Variants in RRM1 observed in about 807,000 individuals in gnomAD.
RRM1 encodes the protein ribonucleoside-diphosphate reductase large subunit.
A neutral mutation model predicts 101.5 loss-of-function variants in RRM1; 19 were observed. That is an observed-to-expected ratio of 0.19 (90% CI 0.13 to 0.27). RRM1 has a LOEUF of 0.27. RRM1 is among the 10% of genes least tolerant of loss of function. The pLI is 1.00. For missense variants in RRM1, 500 were observed against 962.9 expected, an observed-to-expected ratio of 0.52 and a Z score of 6.36; for synonymous variants, 298 against 323.4, an observed-to-expected ratio of 0.92 and a Z score of 0.84.
intron 7 of RRM1, among the ~76,000 whole-genome samples, chr11:4,115,078 T>A (rs1386377754): frequency 2.0e-5 from 3 of 152,162 alleles, no homozygotes. Flanking sequence ...ATAAATGGAA[T>A]AGATTCAATT....
chr11:4,111,285 C>T (rs1342873801), intron 5 of RRM1, among the ~76,000 whole-genome samples: 3 of 151,840 alleles, frequency 2.0e-5, no homozygotes, highest in African/African-American at 4.8e-5. Context: ...GTGGTGGGCG[C>T]CTGTAGTCCC....
chr11:4,117,994 A>C (rs752046507), intron 7 of RRM1, among the ~76,000 whole-genome samples: 9 of 152,228 alleles, frequency 5.9e-5, no homozygotes, highest in Non-Finnish European at 1.2e-4. Flanking sequence ...TATGTTTATG[A>C]ATATGCATGA....
At chr11:4,128,208 C>G (rs1191655460) in intron 14 of RRM1, among the ~76,000 whole-genome samples, 1 of 147,296 alleles carries the variant, frequency 6.8e-6, no homozygotes, top group Non-Finnish European at 1.5e-5. Context: ...GTTACCCAGG[C>G]TGGAGTGTGT....
At chr11:4,120,426 C>T (rs536820918) in intron 9 of RRM1, among the ~76,000 whole-genome samples, 3 of 151,790 alleles carry the variant, frequency 2.0e-5, no homozygotes, top group East Asian at 1.9e-4. Context: ...TGCAATGGTG[C>T]GATCTTGGCT....
At position 4,138,345 on chromosome 11, in the gene RRM1, T is replaced by C; in HGVS notation, c.2341T>C (p.Leu781=). 1 of 1,611,004 alleles carries C rather than the reference T, an allele frequency of 6.2e-7. No homozygotes were observed. The highest frequency in any genetic ancestry group is 8.5e-7 in the Non-Finnish European group (1 of 1,178,798). ...ERNTAAMVCS[L]ENRDECLMCG... is the part of the protein sequence containing the mutation. ...GAACACAGCAGCCATGGTGTGCTCTTTGGAGAATAGAGATGAATGTCTGAT... is the reference window on the plus strand; with the variant it reads ...GAACACAGCAGCCATGGTGTGCTCTCTGGAGAATAGAGATGAATGTCTGAT... The change falls in exon 19 of 19, where the codon TTG becomes CTG. Residue 781 remains leucine, a synonymous_variant. Coordinates refer to ENST00000300738, the MANE Select transcript of RRM1 (RefSeq NM_001033.5).
intron 13 of RRM1, 92 bp from the exon 14 acceptor site, chr11:4,126,942 GA>G: frequency 7.0e-7 from 1 of 1,424,924 alleles, no homozygotes; most frequent in Non-Finnish European, 9.6e-7. Context: ...AATGGTTTGA[GA>G]AAAAGAGGTA....
chr11:4,118,218 CTCTTT>C lies in RRM1; in HGVS notation c.651-100_651-96del. 5.4e-5 allele frequency: 59 copies of C among 1,098,346 alleles called. No individual in the cohort carries two copies. The Admixed American group carries it at 1.2e-3, about 23-fold the overall frequency. The allele number at this position is 1,098,346 out of a possible 1,614,324, so 68.0% of individuals were successfully genotyped here. On this transcript the variant is annotated intron_variant, in intron 7 of 18. Transcript: ENST00000300738. ...CATTTAGGAACTTTCTAAACTTCAACTCTTTTTTTTTTTTTTGCCTTAGTGTCTTT... is the reference window on the plus strand; with the variant it reads ...CATTTAGGAACTTTCTAAACTTCAACTTTTTTTTTTTGCCTTAGTGTCTTT...
Position 4,094,858 on chromosome 11 carries a change from T to G in RRM1, c.-155T>G, listed in dbSNP as rs113185733. On this transcript the variant is annotated 5_prime_UTR_variant, in exon 1 of 19. Coordinates refer to ENST00000300738, the MANE Select transcript of RRM1 (RefSeq NM_001033.5). ...GGGATTTGGATTGTTGCGCCTCTGC[T>G]CTGAAGAAAGTGCTGTCTGGCTCCA... 4.1e-4 allele frequency: 313 copies of G among 760,348 alleles called. No individual in the cohort carries two copies. The African/African-American group carries it at 4.6e-3, about 11-fold the overall frequency. The allele number at this position is 760,348 out of a possible 1,614,324, so 47.1% of individuals were successfully genotyped here.
At chr11:4,136,303 CCT>C (rs1473679655) in intron 18 of RRM1, among the ~76,000 whole-genome samples, 2 of 151,958 alleles carry the variant, frequency 1.3e-5, no homozygotes, top group Admixed American at 1.3e-4. Flanking sequence ...CTCACTGCAA[CCT>C]CTGTCCTGGG....
chr11:4,104,349 CG>C (rs1565179682), intron 2 of RRM1, among the ~76,000 whole-genome samples: 2 of 152,086 alleles, frequency 1.3e-5, no homozygotes, highest in African/African-American at 4.8e-5. Context: ...TAGTTACACA[CG>C]TATGTGTCTT....
intron 1 of RRM1, among the ~76,000 whole-genome samples, chr11:4,100,021 A>G (rs530378038): frequency 3.9e-5 from 6 of 152,234 alleles, no homozygotes; most frequent in Non-Finnish European, 8.8e-5. Context: ...TCCAATTGCT[A>G]GAGCACTGAG....
At chr11:4,134,262 G>A (rs554656899) in intron 17 of RRM1, among the ~76,000 whole-genome samples, 5 of 152,230 alleles carry the variant, frequency 3.3e-5, no homozygotes, top group East Asian at 1.9e-4. Flanking sequence ...ATGAGCCACC[G>A]TGCCTGGCCT....
rs1422640463 is a variant in RRM1 at position 4,107,432 on chromosome 11, T to C, written c.287-3T>C. ...TATTTTCATTTTTTGTTGTATTTTT[T>C]AGATGTGATGGAAGACCTCTATAAC... On this transcript the variant is annotated splice_region_variant and splice_polypyrimidine_tract_variant and intron_variant, in intron 3 of 18. Transcript: ENST00000300738. 1.3e-5 allele frequency: 20 copies of C among 1,585,692 alleles called. No homozygotes were observed. The highest frequency in any genetic ancestry group is 1.7e-5 in the Non-Finnish European group (20 of 1,155,504).
At chr11:4,096,703 A>G (rs887797738) in intron 1 of RRM1, among the ~76,000 whole-genome samples, 6 of 151,704 alleles carry the variant, frequency 4.0e-5, no homozygotes, top group Non-Finnish European at 8.8e-5. Flanking sequence ...GAGTCTCGCT[A>G]TGTTGCCCAG....
chr11:4,133,981 T>TA (rs56125368), intron 17 of RRM1, among the ~76,000 whole-genome samples: 2 of 5,380 alleles, frequency 3.7e-4, no homozygotes, highest in African/African-American at 1.0e-3. Flanking sequence ...CAGACATCAA[T>TA]TTTTTTTTTT....
At chr11:4,122,948 T>C (rs2094584061) in intron 11 of RRM1, among the ~76,000 whole-genome samples, 1 of 152,132 alleles carries the variant, frequency 6.6e-6, no homozygotes, top group Non-Finnish European at 1.5e-5. Context: ...CTTTTTATTA[T>C]GAAAGATATT....
Position 4,132,788 on chromosome 11 carries a change from G to A in RRM1, c.1905+367G>A, listed in dbSNP as rs1292247281. Among the ~76,000 whole-genome samples, 1 of 152,130 alleles carries A rather than the reference G, an allele frequency of 6.6e-6. No individual in the cohort carries two copies. The highest frequency in any genetic ancestry group is 1.5e-5 in the Non-Finnish European group (1 of 68,020). On this transcript the variant is annotated intron_variant, in intron 16 of 18. Transcript: ENST00000300738. The surrounding 1 kb of genome is among the most constrained non-coding windows in gnomAD (Gnocchi z 4.1). Reference sequence around the variant, plus strand: ...ATTTAAGGCAGTGGTTCTCAGACTTGGTTACCAATTAGAATTTATGGTGGG... The same window carrying A: ...ATTTAAGGCAGTGGTTCTCAGACTTAGTTACCAATTAGAATTTATGGTGGG...
intron 14 of RRM1, among the ~76,000 whole-genome samples, chr11:4,127,948 G>A (rs545308608): frequency 6.2e-4 from 94 of 152,296 alleles, no homozygotes; most frequent in African/African-American, 2.2e-3. Flanking sequence ...GTTGGTAAGG[G>A]CTGTGATCTC....
chr11:4,116,539 C>T (rs1251326699), intron 7 of RRM1, among the ~76,000 whole-genome samples: 2 of 151,988 alleles, frequency 1.3e-5, no homozygotes, highest in Non-Finnish European at 2.9e-5. Flanking sequence ...TTGCAGTGAG[C>T]CAAGATCATG....
Sources: allele counts gnomAD v4.1 joint callset (sites outside exome capture counted in the v4.1 genomes callset), GRCh38; gene constraint gnomAD v4.1.1; non-coding constraint Gnocchi (gnomAD v3.1); transcripts MANE v1.5; gene names NCBI Gene and HGNC (gene_info 2026-07-23, HGNC 2026-07-21).